The following DSCAML1 variants were observed in gnomAD, a reference collection of about 807,000 sequenced individuals.
The protein encoded by DSCAML1 is cell adhesion molecule DSCAML1.
DSCAML1 carries 38 observed loss-of-function variants against 200.5 expected under a neutral mutation model. That is an observed-to-expected ratio of 0.19 (90% CI 0.15 to 0.25). The LOEUF is 0.25. Among genes scored for constraint, DSCAML1 ranks in the 10% least tolerant of loss-of-function variants. The pLI, the probability that DSCAML1 is intolerant of heterozygous loss-of-function variation, is 1.00. For synonymous variants in DSCAML1, 1,215 were observed against 1,165.0 expected, an observed-to-expected ratio of 1.04 and a Z score of -0.87; for missense variants, 2,223 against 2,858.8, an observed-to-expected ratio of 0.78 and a Z score of 5.07.
rs2049151581 is a variant in DSCAML1 at position 117,489,848 on chromosome 11, CTG to C, written c.2360-7688_2360-7687del. Among the ~76,000 whole-genome samples the C allele has an allele frequency of 6.6e-6, 1 of 152,214 alleles. No homozygotes were observed. Among genetic ancestry groups the C allele is most frequent in the Non-Finnish European group, 1.5e-5 (1 of 68,030 alleles). On this transcript the variant is annotated intron_variant, in intron 11 of 32. Transcript: ENST00000651296. The surrounding 1 kb of genome is among the most constrained non-coding windows in gnomAD (Gnocchi z 4.8). ...AGCGTCCTTGCCTCCTTGTGTGTGA[CTG>C]TGAGACTCTCCAGGGCAGAAGCATC...
intron 3 of DSCAML1, among the ~76,000 whole-genome samples, chr11:117,573,677 G>C (rs1182554837): frequency 6.6e-6 from 1 of 152,220 alleles, no homozygotes; most frequent in Non-Finnish European, 1.5e-5. Flanking sequence ...ATGCAGCAAA[G>C]CAAATATGCT....
At position 117,695,045 on chromosome 11, in the gene DSCAML1, G is replaced by C. The variant is rs1034974847; in HGVS notation, c.511+81746C>G. The stretch of plus-strand genomic sequence containing the variant: ...GACTTTAGAAAGATGCTTGGCAGCC[G>C]TATGGTGGATGGATTAGAGGGAAGA... On this transcript the variant is annotated intron_variant, in intron 3 of 32. Coordinates refer to ENST00000651296, the MANE Select transcript of DSCAML1 (RefSeq NM_020693.4). 2.6e-5 allele frequency among the ~76,000 whole-genome samples: 4 copies of C among 152,280 alleles called. No homozygotes were observed. The East Asian group carries it at 7.7e-4, about 29-fold the overall frequency.
chr11:117,514,646 G>C (rs575265075), intron 8 of DSCAML1, among the ~76,000 whole-genome samples: 2 of 129,930 alleles, frequency 1.5e-5, no homozygotes, highest in Non-Finnish European at 3.1e-5. Context: ...GCAATGGCAC[G>C]ATCTAAGCTC....
chr11:117,763,559 C>T (rs565935703), intron 3 of DSCAML1, among the ~76,000 whole-genome samples: 1 of 152,274 alleles, frequency 6.6e-6, no homozygotes, highest in African/African-American at 2.4e-5. Context: ...TCGATACATA[C>T]AACTCACGCA....
At chr11:117,515,861 C>T (rs1224913522) in intron 8 of DSCAML1, among the ~76,000 whole-genome samples, 1 of 151,966 alleles carries the variant, frequency 6.6e-6, no homozygotes, top group Non-Finnish European at 1.5e-5. Context: ...CCTCATGATC[C>T]ACCCGCCTCG....
intron 3 of DSCAML1, among the ~76,000 whole-genome samples, chr11:117,720,387 G>A (rs1228381057): frequency 6.6e-6 from 1 of 152,076 alleles, no homozygotes; most frequent in African/African-American, 2.4e-5. Context: ...AGTCAGACAG[G>A]CTGAAAGAGA....
intron 19 of DSCAML1, among the ~76,000 whole-genome samples, chr11:117,451,930 A>G (rs2048291335): frequency 6.6e-6 from 1 of 152,164 alleles, no homozygotes; most frequent in Non-Finnish European, 1.5e-5. Context: ...GATGGCACCT[A>G]CCTCAATGTT....
chr11:117,462,676 C>T (rs1330384139), intron 17 of DSCAML1, among the ~76,000 whole-genome samples: 1 of 152,078 alleles, frequency 6.6e-6, no homozygotes, highest in African/African-American at 2.4e-5. Context: ...TAATTAGGGA[C>T]CCAGTGTAAT....
intron 3 of DSCAML1, among the ~76,000 whole-genome samples, chr11:117,745,160 G>A (rs11216523): frequency 0.11 from 16,171 of 151,250 alleles, 1,820 homozygotes; most frequent in African/African-American, 0.28. Flanking sequence ...GGTCATCTGG[G>A]TGGGGGGGAT....
chr11:117,648,447 C>G (rs2052565823), intron 3 of DSCAML1, among the ~76,000 whole-genome samples: 1 of 152,200 alleles, frequency 6.6e-6, no homozygotes, highest in Admixed American at 6.5e-5. Context: ...CAGCCAAGTT[C>G]AATTCCTTGT....
chr11:117,429,326 G>A lies in DSCAML1; in HGVS notation c.5687-523C>T, dbSNP rs116996606. Among the ~76,000 whole-genome samples the A allele has an allele frequency of 3.3e-5, 5 of 152,290 alleles. No individual in the cohort carries two copies. In the East Asian group the frequency reaches 9.6e-4, roughly 29 times the overall value. ...GTAAGGCGTTCCCCTCTTTCCCATG[G>A]CAGCCTTCCAGATGTTTGAAGTCAG... On this transcript the variant is annotated intron_variant, in intron 32 of 32. Coordinates refer to ENST00000651296, the MANE Select transcript of DSCAML1 (RefSeq NM_020693.4).
intron 3 of DSCAML1, among the ~76,000 whole-genome samples, chr11:117,592,670 A>G (rs2051280799): frequency 6.6e-6 from 1 of 152,220 alleles, no homozygotes; most frequent in Non-Finnish European, 1.5e-5. Context: ...CGATTTACAC[A>G]TATTCAATAA....
intron 3 of DSCAML1, among the ~76,000 whole-genome samples, chr11:117,551,605 G>A (rs2050467293): frequency 6.6e-6 from 1 of 152,190 alleles, no homozygotes; most frequent in African/African-American, 2.4e-5. Context: ...TCATCCTTCT[G>A]CCACCTGAGT....
chr11:117,650,159 C>G (rs1462938974), intron 3 of DSCAML1, among the ~76,000 whole-genome samples: 1 of 152,168 alleles, frequency 6.6e-6, no homozygotes, highest in Non-Finnish European at 1.5e-5. Flanking sequence ...GGTTCCCAGG[C>G]CCCGCCCTGT....
chr11:117,650,315 G>T (rs558268080), intron 3 of DSCAML1, among the ~76,000 whole-genome samples: 18 of 152,296 alleles, frequency 1.2e-4, no homozygotes, highest in African/African-American at 2.6e-4. Flanking sequence ...GGCTTTGCAG[G>T]CCCTCAGGCT....
At chr11:117,428,916 G>GA in intron 32 of DSCAML1, 113 bp from the exon 33 acceptor site, 1 of 1,024,178 alleles carries the variant, frequency 9.8e-7, no homozygotes, top group Non-Finnish European at 1.4e-6. Context: ...TGGCATAGGG[G>GA]CCCCTCCACT....
intron 8 of DSCAML1, among the ~76,000 whole-genome samples, chr11:117,509,364 A>T (rs962775022): frequency 6.6e-6 from 1 of 152,044 alleles, no homozygotes; most frequent in African/African-American, 2.4e-5. Flanking sequence ...ACTGAAGAAG[A>T]AGTAGCCAAC....
intron 3 of DSCAML1, among the ~76,000 whole-genome samples, chr11:117,565,671 C>G (rs2050743576): frequency 6.6e-6 from 1 of 152,192 alleles, no homozygotes; most frequent in Non-Finnish European, 1.5e-5. Flanking sequence ...GCCCCCATCC[C>G]CTGTGCTTAG....
Position 117,587,256 on chromosome 11 carries a change from C to G in DSCAML1, c.512-54734G>C, listed in dbSNP as rs112356411. ...TGAGCTCATTCGATTCTTTCCAACCCCCCCCCACGATTTAGATACTATTAT... is the reference window on the plus strand; with the variant it reads ...TGAGCTCATTCGATTCTTTCCAACCGCCCCCCACGATTTAGATACTATTAT... On this transcript the variant is annotated intron_variant, in intron 3 of 32. Coordinates refer to ENST00000651296, the MANE Select transcript of DSCAML1 (RefSeq NM_020693.4). Among the ~76,000 whole-genome samples, 2 of 148,720 alleles carry G rather than the reference C, an allele frequency of 1.3e-5. 1 individual carries two copies. Among genetic ancestry groups the G allele is most frequent in the Non-Finnish European group, 3.0e-5 (2 of 66,966 alleles).
Sources: gnomAD v4.1 joint callset for allele counts (sites outside exome capture counted in the v4.1 genomes callset) on GRCh38, gnomAD v4.1.1 for gene constraint, Gnocchi (gnomAD v3.1) non-coding constraint, MANE v1.5 for transcripts, NCBI Gene and HGNC (gene_info 2026-07-23, HGNC 2026-07-21) for gene names.